Variants in RPTOR observed in about 807,000 individuals in gnomAD.
RPTOR encodes regulatory associated protein of MTOR complex 1.
RPTOR carries 21 observed loss-of-function variants against 169.9 expected under a neutral mutation model. The observed-to-expected ratio is 0.12, with a 90% CI of 0.09 to 0.18. The LOEUF is 0.18. Ranked by LOEUF, RPTOR falls within the 10% of genes least tolerant of loss-of-function variation. RPTOR has a pLI of 1.00. For missense variants in RPTOR, 1,133 were observed against 1,855.9 expected (o/e 0.61, Z 7.16); for synonymous variants, 732 against 753.2 (o/e 0.97, Z 0.46).
chr17:80,762,016 C>G (rs1312939962), intron 6 of RPTOR, among the ~76,000 whole-genome samples: 1 of 152,238 alleles, frequency 6.6e-6, no homozygotes, highest in Non-Finnish European at 1.5e-5. Flanking sequence ...GGATCTCACA[C>G]AGTCCCCGCG....
chr17:80,930,450 A>C, intron 24 of RPTOR, among the ~76,000 whole-genome samples: 1 of 150,826 alleles, frequency 6.6e-6, no homozygotes, highest in African/African-American at 2.4e-5. Flanking sequence ...GCTCATCCTC[A>C]GCTCATCCCC....
chr17:80,718,239 G>A (rs1234691119), intron 4 of RPTOR, among the ~76,000 whole-genome samples: 1 of 152,076 alleles, frequency 6.6e-6, no homozygotes, highest in Admixed American at 6.5e-5. Context: ...TGCATTTTTG[G>A]TTTAGGATAA....
chr17:80,625,043 C>T lies in RPTOR; in HGVS notation c.163-648C>T, dbSNP rs558052658. ...TGAGATCTGAAGAGAGAGTCAGAGC[C>T]GGCCAGGTGACCCGGGGGAGGGGAA... On this transcript the variant is annotated intron_variant, in intron 1 of 33. Transcript: ENST00000306801. Among the ~76,000 whole-genome samples the T allele has an allele frequency of 1.2e-4, 18 of 152,276 alleles. No homozygotes were observed. The South Asian group carries it at 3.5e-3, about 30-fold the overall frequency.
At chr17:80,682,992 G>C (rs538596508) in intron 3 of RPTOR, among the ~76,000 whole-genome samples, 1 of 152,184 alleles carries the variant, frequency 6.6e-6, no homozygotes, top group East Asian at 1.9e-4. Flanking sequence ...GTAGAGATGG[G>C]GTTTCAACAT....
intron 1 of RPTOR, among the ~76,000 whole-genome samples, chr17:80,573,774 T>G (rs1272930056): frequency 6.6e-6 from 1 of 152,156 alleles, no homozygotes; most frequent in Non-Finnish European, 1.5e-5. Flanking sequence ...CATGCTGGTC[T>G]TGAGTGTCAT....
At chr17:80,701,580 A>G (rs980466081) in intron 3 of RPTOR, among the ~76,000 whole-genome samples, 4 of 152,142 alleles carry the variant, frequency 2.6e-5, no homozygotes, top group Admixed American at 1.3e-4. Flanking sequence ...TGAAACTTTC[A>G]CTAGACCCCA....
chr17:80,645,531 T>C (rs1251386753), intron 3 of RPTOR, among the ~76,000 whole-genome samples: 15 of 152,262 alleles, frequency 9.9e-5, no homozygotes, highest in Non-Finnish European at 1.8e-4. Context: ...AGATATTGTA[T>C]GTGTATTCCA....
In RPTOR at chr17:80,960,475, C is replaced by T. The variant is rs891635889; in HGVS notation, c.3605+270C>T. On this transcript the variant is annotated intron_variant, in intron 30 of 33. Transcript: ENST00000306801. This position sits in a 1 kb window ranked among gnomAD's most constrained non-coding sequence, Gnocchi z 4.8. ...AGGGGACAGGCCATGTGGGATGAGC[C>T]AGTGGACTGGAGGCAGAGGCTGTCG... is the stretch of plus-strand genomic sequence containing the variant. Among the ~76,000 whole-genome samples the T allele has an allele frequency of 6.6e-6, 1 of 152,256 alleles. No homozygotes were observed. Among genetic ancestry groups the T allele is most frequent in the Non-Finnish European group, 1.5e-5 (1 of 68,046 alleles).
intron 12 of RPTOR, among the ~76,000 whole-genome samples, chr17:80,856,359 T>A (rs2067851866): frequency 6.6e-6 from 1 of 152,190 alleles, no homozygotes; most frequent in Admixed American, 6.5e-5. Flanking sequence ...TCACATGACA[T>A]ATGAGCCTTA....
At chr17:80,737,631 T>A (rs191385456) in intron 5 of RPTOR, among the ~76,000 whole-genome samples, 1 of 152,314 alleles carries the variant, frequency 6.6e-6, no homozygotes, top group East Asian at 1.9e-4. Context: ...GTTCCTCTTT[T>A]TTAACAAAAG....
intron 3 of RPTOR, among the ~76,000 whole-genome samples, chr17:80,679,288 A>T (rs2065881325): frequency 6.6e-6 from 1 of 152,184 alleles, no homozygotes; most frequent in Non-Finnish European, 1.5e-5. Context: ...CAAAAACAAA[A>T]AAAGAAAGGC....
Position 80,957,891 on chromosome 17 carries a change from G to A in RPTOR, c.3477+161G>A, listed in dbSNP as rs952343802. On this transcript the variant is annotated intron_variant, in intron 29 of 33. Coordinates refer to ENST00000306801, the MANE Select transcript of RPTOR (RefSeq NM_020761.3). The surrounding 1 kb of genome is among the most constrained non-coding windows in gnomAD (Gnocchi z 4.6). ...TGCCGGGACAATGCTGGGAGGAGACGTGGGCTCCCTGAGGCCTCTGGATGA... is the reference window on the plus strand; with the variant it reads ...TGCCGGGACAATGCTGGGAGGAGACATGGGCTCCCTGAGGCCTCTGGATGA... Among the ~76,000 whole-genome samples the A allele has an allele frequency of 1.3e-5, 2 of 152,154 alleles. No individual in the cohort carries two copies. The highest frequency in any genetic ancestry group is 2.9e-5 in the Non-Finnish European group (2 of 68,034).
At chr17:80,792,105 C>T (rs1207244811) in intron 7 of RPTOR, among the ~76,000 whole-genome samples, 1 of 152,078 alleles carries the variant, frequency 6.6e-6, no homozygotes, top group Non-Finnish European at 1.5e-5. Flanking sequence ...GTTTCAGGAC[C>T]CGGAGCGTGG....
intron 7 of RPTOR, among the ~76,000 whole-genome samples, chr17:80,807,500 A>G (rs928223988): frequency 9.9e-5 from 15 of 152,018 alleles, no homozygotes; most frequent in Admixed American, 3.9e-4. Context: ...ACAGGCACAC[A>G]CCACCACACC....
chr17:80,570,450 AT>A (rs892531190), intron 1 of RPTOR, among the ~76,000 whole-genome samples: 1 of 151,774 alleles, frequency 6.6e-6, no homozygotes. Context: ...CTGATGGTTG[AT>A]TTTTTTATTT....
chr17:80,577,531 G>C (rs555081477), intron 1 of RPTOR, among the ~76,000 whole-genome samples: 3 of 152,060 alleles, frequency 2.0e-5, no homozygotes, highest in African/African-American at 7.2e-5. Context: ...CCCCTGCCTC[G>C]GCCTCCCAAA....
intron 6 of RPTOR, among the ~76,000 whole-genome samples, chr17:80,769,101 A>C (rs1039775727): frequency 1.3e-5 from 2 of 152,136 alleles, no homozygotes; most frequent in African/African-American, 4.8e-5. Context: ...GGAGGGTGGC[A>C]TGTGTCCCAC....
At chr17:80,546,213 A>C (rs548745504) in intron 1 of RPTOR, among the ~76,000 whole-genome samples, 3 of 152,202 alleles carry the variant, frequency 2.0e-5, no homozygotes, top group African/African-American at 7.2e-5. Context: ...CTGATATACT[A>C]TGCTAGGAAA....
rs181916226 is a variant in RPTOR at position 80,650,438 on chromosome 17, G to A, written c.348+6628G>A. ...CTCACCGCTCCTTCCCTTTCTGGGC[G>A]GGAGCGCCCCTCTCACTGGTAGGGG... On this transcript the variant is annotated intron_variant, in intron 3 of 33. Coordinates refer to ENST00000306801, the MANE Select transcript of RPTOR (RefSeq NM_020761.3). 6.7e-3 allele frequency among the ~76,000 whole-genome samples: 1,024 copies of A among 152,300 alleles called. 6 individuals carry two copies. The highest frequency in any genetic ancestry group is 0.014 in the Middle Eastern group (4 of 294).
Sources: allele counts gnomAD v4.1 joint callset (sites outside exome capture counted in the v4.1 genomes callset), GRCh38; gene constraint gnomAD v4.1.1; non-coding constraint Gnocchi (gnomAD v3.1); transcripts MANE v1.5; gene names NCBI Gene and HGNC (gene_info 2026-07-23, HGNC 2026-07-21).